The following STIM2 variants were observed in gnomAD, a reference collection of about 807,000 sequenced individuals.
The protein encoded by STIM2 is stromal interaction molecule 2.
STIM2 carries 31 observed loss-of-function variants against 85.8 expected under a neutral mutation model. The observed-to-expected ratio is 0.36, with a 90% CI of 0.27 to 0.49. STIM2 has a LOEUF of 0.49. STIM2 is among the 20% of genes least tolerant of loss of function. STIM2 has a pLI of 0.98. For missense variants in STIM2, 841 were observed against 927.6 expected (o/e 0.91, Z 1.21); for synonymous variants, 356 against 331.1 (o/e 1.08, Z -0.82).
intron 3 of STIM2, among the ~76,000 whole-genome samples, chr4:26,968,232 A>G (rs1006295664): frequency 5.9e-5 from 9 of 152,286 alleles, no homozygotes; most frequent in South Asian, 4.1e-4. Flanking sequence ...AGTGACATAC[A>G]TGCACACTCA....
chr4:26,866,747 A>G (rs951862037), intron 1 of STIM2, among the ~76,000 whole-genome samples: 1 of 152,200 alleles, frequency 6.6e-6, no homozygotes, highest in Non-Finnish European at 1.5e-5. Flanking sequence ...AGAATGAGAC[A>G]TCCAGGACAA....
intron 2 of STIM2, among the ~76,000 whole-genome samples, chr4:26,920,075 T>G (rs1724741175): frequency 1.3e-5 from 2 of 152,204 alleles, no homozygotes; most frequent in South Asian, 4.1e-4. Context: ...TTGGGAGCTC[T>G]GTTGGGGCTG....
rs1723711602 is a variant in STIM2, at chr4:26,896,563, G to C, written c.152-22941G>C. 3.9e-5 allele frequency among the ~76,000 whole-genome samples: 6 copies of C among 152,140 alleles called. No individual in the cohort carries two copies. The South Asian group carries it at 1.2e-3, about 32-fold the overall frequency. ...TTTTTTTAAAAAACGCTTTTATTTT[G>C]AACTAAGTGTATTCTCACAAGCAGT... On this transcript the variant is annotated intron_variant, in intron 1 of 11. Coordinates refer to ENST00000467087, the MANE Select transcript of STIM2 (RefSeq NM_020860.4).
In STIM2 at chr4:26,957,638, A is replaced by G; in HGVS notation, c.309A>G (p.Lys103=). The G allele has an allele frequency of 3.2e-6, 5 of 1,571,058 alleles. No individual in the cohort carries two copies. Among genetic ancestry groups the G allele is most frequent in the Non-Finnish European group, 4.3e-6 (5 of 1,162,246 alleles). The change falls in exon 3 of 12, where the codon AAA becomes AAG. Residue 103 remains lysine, a synonymous_variant. Coordinates refer to ENST00000467087, the MANE Select transcript of STIM2 (RefSeq NM_020860.4). Reference sequence around the variant, plus strand: ...TCATCAGAGAAGATATGAAATATAAAGATGCTACTAATAAACACAGCCATC... The same window carrying G: ...TCATCAGAGAAGATATGAAATATAAGGATGCTACTAATAAACACAGCCATC...
chr4:26,899,497 G>T (rs1341837316), intron 1 of STIM2, among the ~76,000 whole-genome samples: 1 of 152,024 alleles, frequency 6.6e-6, no homozygotes, highest in Admixed American at 6.6e-5. Context: ...TTCTTTCCTT[G>T]ATTTTTGTTA....
chr4:26,940,478 G>A (rs1003619258), intron 2 of STIM2, among the ~76,000 whole-genome samples: 1 of 152,106 alleles, frequency 6.6e-6, no homozygotes, highest in African/African-American at 2.4e-5. Flanking sequence ...TTTTTAGAAA[G>A]TCTCATGCTG....
At chr4:26,991,952 A>T (rs1260891160) in intron 3 of STIM2, among the ~76,000 whole-genome samples, 3 of 152,082 alleles carry the variant, frequency 2.0e-5, no homozygotes, top group Non-Finnish European at 4.4e-5. Flanking sequence ...TGGGAAAGAT[A>T]CCTTTAAAAG....
intron 2 of STIM2, among the ~76,000 whole-genome samples, chr4:26,927,652 C>T (rs1340263562): frequency 3.7e-5 from 2 of 53,742 alleles, no homozygotes; most frequent in African/African-American, 1.5e-4. Context: ...GCACAATGTG[C>T]ACATGTACCC....
intron 10 of STIM2, among the ~76,000 whole-genome samples, chr4:27,013,472 A>T (rs1728630904): frequency 6.6e-6 from 1 of 151,964 alleles, no homozygotes; most frequent in Non-Finnish European, 1.5e-5. Context: ...TCTGCCAAGG[A>T]TAAGGGGGAA....
Position 26,903,416 on chromosome 4 carries a change from C to T in STIM2, c.152-16088C>T, listed in dbSNP as rs551961231. On this transcript the variant is annotated intron_variant, in intron 1 of 11. Coordinates refer to ENST00000467087, the MANE Select transcript of STIM2 (RefSeq NM_020860.4). ...TAGCTGAACGGTTTTGTTATACACA[C>T]GTGCATACTTGTACTTGATTTTTGC... Among the ~76,000 whole-genome samples, 88 of 152,266 alleles carry T rather than the reference C, an allele frequency of 5.8e-4. 1 individual carries two copies. The highest frequency in any genetic ancestry group is 3.4e-3 in the Middle Eastern group (1 of 294).
Position 26,947,402 on chromosome 4 carries a change from A to AAT in STIM2, c.283-10200_283-10199dup, listed in dbSNP as rs567555105. On this transcript the variant is annotated intron_variant, in intron 2 of 11. Transcript: ENST00000467087. The stretch of plus-strand genomic sequence containing the variant: ...TACATTTTATTTTTCAAATGGTACA[A>AAT]ATATATATATAAAATGATAAAGCTT... 2.0e-4 allele frequency among the ~76,000 whole-genome samples: 30 copies of AAT among 152,290 alleles called. No individual in the cohort carries two copies. In the East Asian group the frequency reaches 2.9e-3, roughly 15 times the overall value.
intron 3 of STIM2, among the ~76,000 whole-genome samples, chr4:26,975,573 C>G (rs1417179884): frequency 6.6e-6 from 1 of 152,162 alleles, no homozygotes; most frequent in Non-Finnish European, 1.5e-5. Context: ...GGCTGCAGAA[C>G]AGCAAATATT....
chr4:26,956,244 A>G, intron 2 of STIM2, among the ~76,000 whole-genome samples: 1 of 151,898 alleles, frequency 6.6e-6, no homozygotes, highest in South Asian at 2.1e-4. Context: ...TTTAAAAACT[A>G]TTAGTTTCAC....
chr4:26,975,784 A>G (rs1727161970), intron 3 of STIM2, among the ~76,000 whole-genome samples: 1 of 152,206 alleles, frequency 6.6e-6, no homozygotes, highest in African/African-American at 2.4e-5. Flanking sequence ...CTCTCTGCAG[A>G]GCTGTCAGAC....
intron 3 of STIM2, among the ~76,000 whole-genome samples, chr4:26,969,573 A>T (rs749410086): frequency 6.6e-6 from 1 of 152,222 alleles, no homozygotes; most frequent in Non-Finnish European, 1.5e-5. Context: ...CCAGATTGCA[A>T]TGTGAGATAG....
At position 27,017,856 on chromosome 4, in the gene STIM2, C is replaced by T; in HGVS notation, c.1635C>T (p.His545=). 1.2e-6 allele frequency: 2 copies of T among 1,614,144 alleles called. No homozygotes were observed. Among genetic ancestry groups the T allele is most frequent in the Non-Finnish European group, 1.7e-6 (2 of 1,180,022 alleles). ...ACCCGTCACACCCTCGGCACCCTCA[C>T]CACCCGCAACACACACCACACTCCT... is the stretch of plus-strand genomic sequence containing the variant. The change falls in exon 11 of 12, where the codon CAC becomes CAT. Residue 545 remains histidine, a synonymous_variant. Transcript: ENST00000467087.
At chr4:26,988,442 G>T (rs1288637459) in intron 3 of STIM2, among the ~76,000 whole-genome samples, 1 of 152,186 alleles carries the variant, frequency 6.6e-6, no homozygotes, top group Non-Finnish European at 1.5e-5. Flanking sequence ...GAGAGACAGT[G>T]GGGCCTGGGG....
intron 10 of STIM2, among the ~76,000 whole-genome samples, chr4:27,013,487 A>G (rs898623789): frequency 1.3e-5 from 2 of 151,986 alleles, no homozygotes; most frequent in African/African-American, 2.4e-5. Context: ...GGGGAATACT[A>G]TACTCCTTAT....
chr4:26,953,012 C>T (rs890545053), intron 2 of STIM2, among the ~76,000 whole-genome samples: 3 of 152,020 alleles, frequency 2.0e-5, no homozygotes, highest in Non-Finnish European at 4.4e-5. Context: ...TTTTCAAGAC[C>T]TTGCAATTGT....
Sources: allele counts gnomAD v4.1 joint callset (sites outside exome capture counted in the v4.1 genomes callset), GRCh38; gene constraint gnomAD v4.1.1; transcripts MANE v1.5; gene names NCBI Gene and HGNC (gene_info 2026-07-23, HGNC 2026-07-21).